The following INO80 variants were observed in gnomAD, a reference collection of about 807,000 sequenced individuals.
INO80 encodes INO80 complex ATPase subunit, also known as chromatin-remodeling ATPase INO80.
In INO80, 20 loss-of-function variants were observed where a neutral mutation model predicts 203.4. That is an observed-to-expected ratio of 0.10 (90% confidence interval 0.07 to 0.14). The LOEUF (loss-of-function observed/expected upper bound fraction) is 0.14. Ranked by LOEUF, INO80 falls within the 10% of genes least tolerant of loss-of-function variation. The pLI, the probability that INO80 is intolerant of heterozygous loss-of-function variation, is 1.00. For synonymous variants in INO80, 726 were observed against 685.2 expected, an observed-to-expected ratio of 1.06 and a Z score of -0.93; for missense variants, 1,419 against 1,914.4, an observed-to-expected ratio of 0.74 and a Z score of 4.83.
chr15:41,039,584 T>A (rs111285563), intron 24 of INO80, among the ~76,000 whole-genome samples: 4 of 152,318 alleles, frequency 2.6e-5, no homozygotes, highest in Admixed American at 6.5e-5. Context: ...TGGACTAACA[T>A]TGGGAAAAGG....
At chr15:41,038,005 C>A (rs2044607522) in intron 24 of INO80, among the ~76,000 whole-genome samples, 1 of 142,686 alleles carries the variant, frequency 7.0e-6, no homozygotes, top group Non-Finnish European at 1.5e-5. Context: ...GCCCCTCTTC[C>A]CTTTTCTTTT....
intron 24 of INO80, among the ~76,000 whole-genome samples, chr15:41,042,685 G>A (rs944147396): frequency 1.3e-5 from 2 of 152,082 alleles, no homozygotes; most frequent in Non-Finnish European, 2.9e-5. Context: ...CGTTGGCCAG[G>A]CTGGTCTTGA....
At chr15:41,061,295 G>C (rs1364742699) in intron 14 of INO80, among the ~76,000 whole-genome samples, 1 of 151,680 alleles carries the variant, frequency 6.6e-6, no homozygotes, top group Admixed American at 6.6e-5. Context: ...GCAAGACTTT[G>C]TTTCAAAAAA....
At position 41,079,930 on chromosome 15, in the gene INO80, G is replaced by A. The variant is rs116787303; in HGVS notation, c.928-26C>T. 3,485 of 1,603,682 alleles carry A rather than the reference G, an allele frequency of 2.2e-3. 89 individuals are homozygous for A. In the African/African-American group the frequency reaches 0.041, roughly 19 times the overall value. On this transcript the variant is annotated intron_variant, in intron 8 of 35. Transcript: ENST00000648947. ...CTGAAAACAACAACAGCATTACAGC[G>A]GAAAGGACCCCATACCAGAAGCTGG...
At chr15:41,010,162 A>C (rs1477404461) in intron 27 of INO80, among the ~76,000 whole-genome samples, 1 of 152,214 alleles carries the variant, frequency 6.6e-6, no homozygotes, top group Non-Finnish European at 1.5e-5. Context: ...ACACCACATC[A>C]GTGGCATGCA....
chr15:41,083,709 T>C (rs367931041), intron 7 of INO80, among the ~76,000 whole-genome samples: 2 of 111,158 alleles, frequency 1.8e-5, no homozygotes, highest in Non-Finnish European at 3.4e-5. Flanking sequence ...CGAGACTCCG[T>C]CTCAAAAAAA....
At chr15:41,066,863 A>T (rs573462109) in intron 14 of INO80, among the ~76,000 whole-genome samples, 2 of 145,252 alleles carry the variant, frequency 1.4e-5, no homozygotes. Context: ...AAAAAAAAAA[A>T]TCAAAAGAGG....
intron 27 of INO80, among the ~76,000 whole-genome samples, chr15:41,010,586 C>G (rs1026296097): frequency 6.6e-6 from 1 of 151,986 alleles, no homozygotes; most frequent in South Asian, 2.1e-4. Context: ...TACTGTTTCC[C>G]AGATGGAAGG....
chr15:41,075,789 A>G (rs2045393927), intron 9 of INO80, among the ~76,000 whole-genome samples: 1 of 151,788 alleles, frequency 6.6e-6, no homozygotes, highest in South Asian at 2.1e-4. Flanking sequence ...GACGGGTTTC[A>G]CCATATTGAC....
At chr15:41,068,847 G>C (rs1003428044) in intron 14 of INO80, among the ~76,000 whole-genome samples, 8 of 151,972 alleles carry the variant, frequency 5.3e-5, no homozygotes, top group Non-Finnish European at 7.4e-5. Context: ...GCGACAGAGT[G>C]AGACTCCATC....
rs1566945976 is a variant in INO80, at chr15:41,092,133, T to C, written c.431A>G (p.Asp144Gly). The change falls in exon 5 of 36, where the codon GAC (aspartate) becomes GGC (glycine). Residue 144 changes from aspartate (D) to glycine (G), a missense_variant. Around this residue, in one of 9 missense-constraint regions of INO80, gnomAD observed 323 missense variants for 325.4 expected, o/e 0.99. Coordinates refer to ENST00000648947, the MANE Select transcript of INO80 (RefSeq NM_017553.3). ...GAGATTGAGTTCTTCTTCATCATCGTCTTCACTCTGAGAATCAGCCTCGCT... is the reference window on the plus strand; with the variant it reads ...GAGATTGAGTTCTTCTTCATCATCGCCTTCACTCTGAGAATCAGCCTCGCT... ...ESSEADSQSE[D>G]DDEEELNLSR... 1 of 1,611,028 alleles carries C rather than the reference T, an allele frequency of 6.2e-7. No individual in the cohort carries two copies. Among genetic ancestry groups the C allele is most frequent in the Non-Finnish European group, 8.5e-7 (1 of 1,177,472 alleles).
chr15:41,037,170 AGAG>A (rs1285737172), intron 24 of INO80, among the ~76,000 whole-genome samples: 1 of 129,862 alleles, frequency 7.7e-6, no homozygotes, highest in African/African-American at 2.7e-5. Context: ...AAGAACAAAA[AGAG>A]AGAGAAAGAG....
At chr15:41,016,426 C>A (rs192433354) in intron 26 of INO80, among the ~76,000 whole-genome samples, 1 of 152,340 alleles carries the variant, frequency 6.6e-6, no homozygotes, top group African/African-American at 2.4e-5. Flanking sequence ...GGGGGAAGTG[C>A]AGATTCCCTG....
intron 14 of INO80, among the ~76,000 whole-genome samples, chr15:41,068,576 A>G (rs2928154): frequency 0.12 from 17,968 of 149,346 alleles, 3,169 homozygotes; most frequent in African/African-American, 0.39. Flanking sequence ...AAAAAACAAC[A>G]GCTGTGTGCG....
At chr15:41,057,797 C>CAAAAAAAAAAAAAAAAAAAACAAA (rs2045017110) in intron 16 of INO80, among the ~76,000 whole-genome samples, 1 of 29,348 alleles carries the variant, frequency 3.4e-5, no homozygotes, top group Non-Finnish European at 7.2e-5. Flanking sequence ...AACTACATCT[C>CAAAAAAAAAAAAAAAAAAAACAAA]AAAAAAAAAA....
chr15:41,089,163 C>G (rs576963528), intron 5 of INO80, among the ~76,000 whole-genome samples: 1 of 152,216 alleles, frequency 6.6e-6, no homozygotes, highest in Non-Finnish European at 1.5e-5. Context: ...GCATTTCAGT[C>G]TGGGTAACAG....
intron 5 of INO80, among the ~76,000 whole-genome samples, chr15:41,088,082 CTTTTCTTT>C (rs1203030624): frequency 7.4e-6 from 1 of 134,718 alleles, no homozygotes; most frequent in South Asian, 2.3e-4. Context: ...CTCATGCTTG[CTTTTCTTT>C]TTTTTTTTTT....
At chr15:40,995,586 CT>C (rs1226270560) in intron 29 of INO80, among the ~76,000 whole-genome samples, 1 of 152,078 alleles carries the variant, frequency 6.6e-6, no homozygotes, top group Non-Finnish European at 1.5e-5. Flanking sequence ...CAGAGAGAAA[CT>C]AACAGAGTAC....
At chr15:41,041,495 T>C (rs2044667179) in intron 24 of INO80, among the ~76,000 whole-genome samples, 2 of 150,916 alleles carry the variant, frequency 1.3e-5, no homozygotes, top group African/African-American at 4.9e-5. Context: ...GGCTGGAGTG[T>C]AATGGCGCGA....
Sources: allele counts gnomAD v4.1 joint callset (sites outside exome capture counted in the v4.1 genomes callset), GRCh38; gene constraint gnomAD v4.1.1; regional missense constraint gnomAD v4.1.1; transcripts MANE v1.5; gene names NCBI Gene and HGNC (gene_info 2026-07-23, HGNC 2026-07-21).